Variants in PYGO1 observed in about 807,000 individuals in gnomAD.
The protein encoded by PYGO1 is pygopus family PHD finger 1.
Under a neutral mutation model 29.5 loss-of-function variants are expected in PYGO1, and 6 were observed. The observed-to-expected ratio is 0.20, with a 90% confidence interval of 0.11 to 0.40. The LOEUF (loss-of-function observed/expected upper bound fraction) is 0.40, where lower values mean the gene tolerates loss of function less well. Among genes scored for constraint, PYGO1 ranks in the 10% least tolerant of loss-of-function variants. PYGO1 has a pLI of 1.00. For synonymous variants in PYGO1, 186 were observed against 180.5 expected, an observed-to-expected ratio of 1.03 and a Z score of -0.24; for missense variants, 515 against 514.9, an observed-to-expected ratio of 1.00 and a Z score of 0.00.
chr15:55,553,849 C>G (rs537692317), intron 1 of PYGO1, among the ~76,000 whole-genome samples: 17 of 152,200 alleles, frequency 1.1e-4, no homozygotes, highest in East Asian at 5.8e-4. Flanking sequence ...TGTTACGCAG[C>G]CTTCACTGGT....
intron 2 of PYGO1, among the ~76,000 whole-genome samples, 182 bp downstream of exon 2, chr15:55,548,707 TAAAAAAAAAAAAAAAAAAAAA>T (rs60796044): frequency 0.41 from 22,750 of 54,874 alleles, 2,859 homozygotes; most frequent in Non-Finnish European, 0.51. Context: ...AGAATCCACC[TAAAAAAAAAAAAAAAAAAAAA>T]AAAAAAAAAA....
At chr15:55,556,550 G>A (rs1480713509) in intron 1 of PYGO1, among the ~76,000 whole-genome samples, 15 of 152,094 alleles carry the variant, frequency 9.9e-5, no homozygotes, top group African/African-American at 2.9e-4. Context: ...AAGCTCGAAA[G>A]ATCTCAAATT....
chr15:55,585,271 A>G (rs1432021943), intron 1 of PYGO1, among the ~76,000 whole-genome samples: 1 of 152,218 alleles, frequency 6.6e-6, no homozygotes, highest in East Asian at 1.9e-4. Flanking sequence ...CTTTTAATAC[A>G]TATAAAATAA....
At position 55,554,603 on chromosome 15, in the gene PYGO1, T is replaced by C. The variant is rs140814418; in HGVS notation, c.50-5608A>G. Among the ~76,000 whole-genome samples the C allele has an allele frequency of 5.2e-4, 79 of 151,686 alleles. No individual in the cohort carries two copies. The East Asian group carries it at 0.015, about 28-fold the overall frequency. ...GTTAAAGGAGCATGCTGTAACCCAA[T>C]GCAAAGAAGCTAAGAATCATGATAA... On this transcript the variant is annotated intron_variant, in intron 1 of 2. Coordinates refer to ENST00000563719, the MANE Select transcript of PYGO1 (RefSeq NM_001367806.1).
chr15:55,573,627 C>T (rs1403270585), intron 1 of PYGO1, among the ~76,000 whole-genome samples: 1 of 152,126 alleles, frequency 6.6e-6, no homozygotes, highest in African/African-American at 2.4e-5. Context: ...GATCCTTGAA[C>T]TATATACATT....
rs1432294708 is a variant in PYGO1 at position 55,542,082 on chromosome 15, A to C, written c.*3941T>G. On this transcript the variant is annotated 3_prime_UTR_variant, in exon 3 of 3. Coordinates refer to ENST00000563719, the MANE Select transcript of PYGO1 (RefSeq NM_001367806.1). ...TCTATACACGGCAGAAAGAAATCCA[A>C]AACTCTTGAGAACTCCCTTTTAAAA... 6.6e-6 allele frequency: 1 copy of C among 152,226 alleles called. No homozygotes were observed. The highest frequency in any genetic ancestry group is 1.5e-5 in the Non-Finnish European group (1 of 68,038). 9.4% of individuals were successfully genotyped at this position (152,226 alleles called of 1,614,324 possible).
chr15:55,568,805 G>A (rs1474160095), intron 1 of PYGO1, among the ~76,000 whole-genome samples: 3 of 152,080 alleles, frequency 2.0e-5, no homozygotes, highest in Non-Finnish European at 4.4e-5. Context: ...GTGATAGGAT[G>A]TTAGATTTTA....
In PYGO1 at chr15:55,587,903, C is replaced by A; in HGVS notation, c.-20G>T. The A allele has an allele frequency of 6.8e-7, 1 of 1,465,658 alleles. No homozygotes were observed. Among genetic ancestry groups the A allele is most frequent in the Non-Finnish European group, 9.0e-7 (1 of 1,107,286 alleles). 90.8% of individuals were successfully genotyped at this position (1,465,658 alleles called of 1,614,324 possible). A position where few individuals can be genotyped will look rare whatever the true frequency, so the allele number is the denominator to read the frequency against. ...TGACATTACAGACCGCAAAGCATGA[C>A]TCCCCCCCAGGCCGCGGGAATTCGG... On this transcript the variant is annotated 5_prime_UTR_variant, in exon 1 of 3. Transcript: ENST00000563719.
chr15:55,541,017 A>C lies in PYGO1; in HGVS notation c.*5006T>G, dbSNP rs1425186049. On this transcript the variant is annotated 3_prime_UTR_variant, in exon 3 of 3. Coordinates refer to ENST00000563719, the MANE Select transcript of PYGO1 (RefSeq NM_001367806.1). ...ACATCATCTACACATCTACAGAACAAGAAAGGTACAGGTATTTAGAATAAG... is the reference window on the plus strand; with the variant it reads ...ACATCATCTACACATCTACAGAACACGAAAGGTACAGGTATTTAGAATAAG... 6.6e-6 allele frequency: 1 copy of C among 152,226 alleles called. No individual in the cohort carries two copies. Among genetic ancestry groups the C allele is most frequent in the African/African-American group, 2.4e-5 (1 of 41,462 alleles). The allele number at this position is 152,226 out of a possible 1,614,324, so 9.4% of individuals were successfully genotyped here. A position where few individuals can be genotyped will look rare whatever the true frequency, so the allele number is the denominator to read the frequency against.
chr15:55,546,230 G>A lies in PYGO1; in HGVS notation c.1053C>T (p.Asn351=), dbSNP rs776605770. 2.9e-5 allele frequency: 47 copies of A among 1,614,018 alleles called. No homozygotes were observed. The highest frequency in any genetic ancestry group is 3.7e-5 in the Non-Finnish European group (44 of 1,180,020). Residue 351 remains asparagine (N), a synonymous_variant, in exon 3 of 3, where the codon AAC becomes AAT. Transcript: ENST00000563719. The part of the protein sequence containing the change: ...YPCGICTNEV[N]DDQDAILCEA... ...CACATAAGATGGCATCCTGATCATC[G>A]TTCACCTCGTTTGTACAAATTCCAC...
intron 1 of PYGO1, among the ~76,000 whole-genome samples, chr15:55,553,737 C>T (rs547803908): frequency 1.1e-4 from 16 of 152,168 alleles, no homozygotes; most frequent in East Asian, 1.9e-4. Context: ...ACCTCTGAAC[C>T]GGGGTCTCCA....
intron 1 of PYGO1, among the ~76,000 whole-genome samples, chr15:55,581,072 C>A (rs2059023083): frequency 6.6e-6 from 1 of 152,158 alleles, no homozygotes; most frequent in Non-Finnish European, 1.5e-5. Context: ...TCTTTTGAAA[C>A]TCTTAAGTTT....
At chr15:55,582,939 C>G (rs1285389548) in intron 1 of PYGO1, among the ~76,000 whole-genome samples, 1 of 152,120 alleles carries the variant, frequency 6.6e-6, no homozygotes, top group Non-Finnish European at 1.5e-5. Context: ...TCTATATTTT[C>G]TTGTAAAGTC....
At chr15:55,567,058 A>AT (rs1406246994) in intron 1 of PYGO1, among the ~76,000 whole-genome samples, 1 of 152,044 alleles carries the variant, frequency 6.6e-6, no homozygotes, top group Non-Finnish European at 1.5e-5. Context: ...AAAAATAGCC[A>AT]TTCTGACTGA....
chr15:55,545,792 CAACT>C lies in PYGO1; in HGVS notation c.*227_*230del, dbSNP rs2058846938. ...CTTTTATGTTTGTGATAAATAACAA[CAACT>C]AACATTTATTTATGTTTCTAAAGCA... On this transcript the variant is annotated 3_prime_UTR_variant, in exon 3 of 3. Transcript: ENST00000563719. The C allele has an allele frequency of 5.3e-6, 2 of 378,646 alleles. No homozygotes were observed. Among genetic ancestry groups the C allele is most frequent in the Admixed American group, 8.5e-5 (2 of 23,614 alleles). The allele number at this position is 378,646 out of a possible 1,614,324, so 23.5% of individuals were successfully genotyped here.
intron 1 of PYGO1, among the ~76,000 whole-genome samples, chr15:55,564,107 A>G (rs1211494186): frequency 6.6e-6 from 1 of 152,238 alleles, no homozygotes; most frequent in African/African-American, 2.4e-5. Flanking sequence ...TTCTTTGCAC[A>G]AAAACTTGTA....
chr15:55,565,832 G>C (rs558920401), intron 1 of PYGO1, among the ~76,000 whole-genome samples: 34 of 152,226 alleles, frequency 2.2e-4, no homozygotes, highest in African/African-American at 7.9e-4. Context: ...CACCAGGCTG[G>C]AGTGCAGTGG....
chr15:55,579,260 AATCT>A (rs2059016403), intron 1 of PYGO1, among the ~76,000 whole-genome samples: 2 of 152,202 alleles, frequency 1.3e-5, no homozygotes, highest in Non-Finnish European at 2.9e-5. Context: ...GATATCCTTG[AATCT>A]GAATACCTTG....
At chr15:55,576,766 A>AAAAAAAAAAAAAG (rs1366354884) in intron 1 of PYGO1, among the ~76,000 whole-genome samples, 2 of 149,758 alleles carry the variant, frequency 1.3e-5, no homozygotes, top group African/African-American at 2.5e-5. Flanking sequence ...AGATCAAAAA[A>AAAAAAAAAAAAAG]AAGAAGTGGG....
Sources: gnomAD v4.1 joint callset for allele counts (sites outside exome capture counted in the v4.1 genomes callset) on GRCh38, gnomAD v4.1.1 for gene constraint, MANE v1.5 for transcripts, NCBI Gene and HGNC (gene_info 2026-07-23, HGNC 2026-07-21) for gene names.